KDM5B: variants seen among roughly 807,000 people sequenced by gnomAD.
KDM5B encodes the protein lysine demethylase 5B.
A neutral mutation model predicts 193.4 loss-of-function variants in KDM5B; 144 were observed. The observed-to-expected ratio is 0.74, with a 90% CI of 0.65 to 0.86. KDM5B has a LOEUF of 0.86. KDM5B is among the 40% of genes least tolerant of loss of function. KDM5B has a pLI of 0.00. For synonymous variants in KDM5B, 668 were observed against 682.6 expected, an observed-to-expected ratio of 0.98 and a Z score of 0.33; for missense variants, 1,833 against 1,886.9, an observed-to-expected ratio of 0.97 and a Z score of 0.53.
rs36098169 is a variant in KDM5B, at chr1:202,726,405, A to G, written c.*2631T>C. The G allele has an allele frequency of 1.1e-4, 17 of 152,020 alleles. No individual in the cohort carries two copies. Among genetic ancestry groups the G allele is most frequent in the Non-Finnish European group, 2.4e-4 (16 of 67,950 alleles). 9.4% of individuals were successfully genotyped at this position (152,020 alleles called of 1,614,324 possible). A position where few individuals can be genotyped will look rare whatever the true frequency, so the allele number is the denominator to read the frequency against. On this transcript the variant is annotated 3_prime_UTR_variant, in exon 27 of 27. Transcript: ENST00000367265. ...TTCTCCAGGATAGAGGCTACATATA[A>G]TCAAGCCCTTTATTCTATATAAGAA...
chr1:202,734,675 G>A (rs1256034917), intron 22 of KDM5B, among the ~76,000 whole-genome samples: 2 of 152,212 alleles, frequency 1.3e-5, no homozygotes, highest in Non-Finnish European at 2.9e-5. Context: ...ACCTCTGATG[G>A]CAGAATTCTG....
chr1:202,777,684 G>C (rs909945796), intron 1 of KDM5B, among the ~76,000 whole-genome samples: 1 of 151,954 alleles, frequency 6.6e-6, no homozygotes, highest in East Asian at 1.9e-4. Context: ...TTTTAGAGAC[G>C]AGGTGTAGGT....
At chr1:202,767,389 G>A (rs1656514189) in intron 4 of KDM5B, 7 of 1,480,442 alleles carry the variant, frequency 4.7e-6, no homozygotes, top group African/African-American at 1.4e-5. Context: ...GACCACAGAG[G>A]CTGTGAACCT....
In KDM5B at chr1:202,808,162, G is replaced by A; in HGVS notation, c.144C>T (p.Phe48=). 1 of 1,613,240 alleles carries A rather than the reference G, an allele frequency of 6.2e-7. No homozygotes were observed. The highest frequency in any genetic ancestry group is 8.5e-7 in the Non-Finnish European group (1 of 1,179,594). ...SWEEFADPFA[F]IHKIRPIAEQ... ...CGGCTATGGGCCGGATCTTGTGGATGAAAGCGAAGGGGTCCGCGAACTCTT... is the reference window on the plus strand; with the variant it reads ...CGGCTATGGGCCGGATCTTGTGGATAAAAGCGAAGGGGTCCGCGAACTCTT... The change falls in exon 1 of 27, where the codon TTC becomes TTT. Residue 48 remains phenylalanine (F), a synonymous_variant. Transcript: ENST00000367265.
chr1:202,773,339 A>C, intron 3 of KDM5B, 51 bp from the exon 4 acceptor site: 1 of 1,492,506 alleles, frequency 6.7e-7, no homozygotes, highest in Non-Finnish European at 9.2e-7. Flanking sequence ...ACTTCTAATC[A>C]CATCTAAGTA....
rs139314049 is a variant in KDM5B, at chr1:202,730,960, G to A, written c.4125C>T (p.Ser1375=). The change falls in exon 25 of 27, where the codon AGC becomes AGT. Residue 1375 remains serine (S), a synonymous_variant. Transcript: ENST00000367265. ...AGCTTCGGTCAGTCTGCTGAGCAGGGCTTGGCTTTGCAAGTAAAGTCTGGT... is the reference window on the plus strand; with the variant it reads ...AGCTTCGGTCAGTCTGCTGAGCAGGACTTGGCTTTGCAAGTAAAGTCTGGT... ...ELYQTLLAKP[S]PAQQTDRSSP... The A allele has an allele frequency of 3.6e-5, 58 of 1,613,668 alleles. No homozygotes were observed. The highest frequency in any genetic ancestry group is 4.7e-5 in the Non-Finnish European group (56 of 1,179,774).
At position 202,752,724 on chromosome 1, in the gene KDM5B, T is replaced by C. The variant is rs563638699; in HGVS notation, c.1701+181A>G. ...AGCTGCAACAAATTAGTTTTTGTGG[T>C]ATCTAAGGATCCAGTCCTACTGAGT... On this transcript the variant is annotated intron_variant, in intron 12 of 26. Coordinates refer to ENST00000367265, the MANE Select transcript of KDM5B (RefSeq NM_006618.5). Among the ~76,000 whole-genome samples, 6 of 152,372 alleles carry C rather than the reference T, an allele frequency of 3.9e-5. 1 individual carries two copies. In the East Asian group the frequency reaches 1.2e-3, roughly 29 times the overall value.
At position 202,735,420 on chromosome 1, in the gene KDM5B, C is replaced by T; in HGVS notation, c.3423+9G>A. On this transcript the variant is annotated intron_variant, in intron 22 of 26. Coordinates refer to ENST00000367265, the MANE Select transcript of KDM5B (RefSeq NM_006618.5). ...AACATAGAAAGGAGAAGAAAAAAAC[C>T]CTACATACAGCTGAAGCAGTCTCCT... is the stretch of plus-strand genomic sequence containing the variant. 1 of 1,608,174 alleles carries T rather than the reference C, an allele frequency of 6.2e-7. No individual in the cohort carries two copies. The highest frequency in any genetic ancestry group is 8.5e-7 in the Non-Finnish European group (1 of 1,177,760).
chr1:202,802,402 GTTGT>G (rs1658112882), intron 1 of KDM5B, among the ~76,000 whole-genome samples: 1 of 151,910 alleles, frequency 6.6e-6, no homozygotes, highest in Non-Finnish European at 1.5e-5. Context: ...TGTTGTTGTT[GTTGT>G]GTTTGTTTTC....
intron 1 of KDM5B, among the ~76,000 whole-genome samples, chr1:202,785,474 C>T (rs555373769): frequency 1.1e-5 from 1 of 90,642 alleles, no homozygotes; most frequent in South Asian, 3.4e-4. Context: ...GGGTTCAAAT[C>T]CTGGTACTAC....
In KDM5B at chr1:202,743,692, C is replaced by A. The variant is rs541163430; in HGVS notation, c.2324-887G>T. Among the ~76,000 whole-genome samples the A allele has an allele frequency of 1.4e-4, 22 of 152,290 alleles. 1 individual carries two copies. The South Asian group carries it at 4.1e-3, about 29-fold the overall frequency. ...TAGAGAACCCAGAAATAAAAAGGCA[C>A]ACCTACAACTATCTGATCTTCAACT... On this transcript the variant is annotated intron_variant, in intron 16 of 26. Coordinates refer to ENST00000367265, the MANE Select transcript of KDM5B (RefSeq NM_006618.5).
chr1:202,752,926 G>C lies in KDM5B; in HGVS notation c.1680C>G (p.Thr560=). 6.2e-7 allele frequency: 1 copy of C among 1,614,104 alleles called. No individual in the cohort carries two copies. The change falls in exon 12 of 27, where the codon ACC becomes ACG. Residue 560 remains threonine, a synonymous_variant. Coordinates refer to ENST00000367265, the MANE Select transcript of KDM5B (RefSeq NM_006618.5). ...HQLVTIMNPN[T]LMTHEVPVYR... ...ATACAGGCACTTCATGAGTCATCAG[G>C]GTATTGGGGTTCATGATGGTCACAA...
rs112781669 is a variant in KDM5B at position 202,731,776 on chromosome 1, T to G, written c.4021+52A>C. Reference sequence around the variant, plus strand: ...ATCATCTATAATAAAAACCTAGTAATACAAGATCACTCATTACTATCCAGC... The same window carrying G: ...ATCATCTATAATAAAAACCTAGTAAGACAAGATCACTCATTACTATCCAGC... On this transcript the variant is annotated intron_variant, in intron 24 of 26. Transcript: ENST00000367265. The G allele has an allele frequency of 4.5e-3, 5,657 of 1,259,412 alleles. 162 individuals are homozygous for G. In the African/African-American group the frequency reaches 0.068, roughly 15 times the overall value. The allele number at this position is 1,259,412 out of a possible 1,614,324, so 78.0% of individuals were successfully genotyped here.
At chr1:202,742,986 C>A (rs986300802) in intron 16 of KDM5B, among the ~76,000 whole-genome samples, 181 bp from the exon 17 acceptor site, 1 of 152,046 alleles carries the variant, frequency 6.6e-6, no homozygotes, top group East Asian at 1.9e-4. Context: ...TGGCTGAACA[C>A]GGAGTTTTTT....
At chr1:202,730,695 T>C (rs1276830656) in intron 25 of KDM5B, among the ~76,000 whole-genome samples, 1 of 152,186 alleles carries the variant, frequency 6.6e-6, no homozygotes, top group Non-Finnish European at 1.5e-5. Flanking sequence ...GTTAGTTCAC[T>C]AGAAGGAAGT....
chr1:202,729,823 G>C lies in KDM5B; in HGVS notation c.4381C>G (p.Arg1461Gly), dbSNP rs765004569. 6.2e-7 allele frequency: 1 copy of C among 1,613,972 alleles called. No homozygotes were observed. Among genetic ancestry groups the C allele is most frequent in the Admixed American group, 1.7e-5 (1 of 60,000 alleles). ...LERERSYELVRSAETHSLPSD... is the reference protein window; with the variant it reads ...LERERSYELVGSAETHSLPSD... The stretch of plus-strand genomic sequence containing the variant: ...GGCAGGGAATGAGTTTCAGCAGAAC[G>C]AACTAATTCATAGCTACGCTCTCTC... The change falls in exon 26 of 27, where the codon CGT (arginine) becomes GGT (glycine). Residue 1461 changes from arginine to glycine, a missense_variant. Physicochemically the swap from Arg to Gly is moderately radical, Grantham distance 125. Transcript: ENST00000367265.
chr1:202,788,923 A>G (rs1395823590), intron 1 of KDM5B, among the ~76,000 whole-genome samples: 2 of 152,188 alleles, frequency 1.3e-5, no homozygotes, highest in African/African-American at 2.4e-5. Context: ...AAAGATTCCA[A>G]AAATGATCTG....
chr1:202,756,370 T>C lies in KDM5B; in HGVS notation c.1344A>G (p.Ser448=), dbSNP rs766213104. Reference sequence around the variant, plus strand: ...CTTATATGCCTACCTCTTCCTCAGGTGAGAGTTTGATTTTCCCATCTCGGA... The same window carrying C: ...CTTATATGCCTACCTCTTCCTCAGGCGAGAGTTTGATTTTCCCATCTCGGA... The part of the protein sequence containing the change: ...FPVRDGKIKL[S]PEEEEYLDSG... Residue 448 remains serine, a synonymous_variant, in exon 10 of 27, where the codon TCA becomes TCG. Coordinates refer to ENST00000367265, the MANE Select transcript of KDM5B (RefSeq NM_006618.5). 3.1e-6 allele frequency: 5 copies of C among 1,610,344 alleles called. No homozygotes were observed. Among genetic ancestry groups the C allele is most frequent in the Non-Finnish European group, 4.2e-6 (5 of 1,178,450 alleles).
At position 202,746,141 on chromosome 1, in the gene KDM5B, C is replaced by A. The variant is rs1558488588; in HGVS notation, c.2198+1G>T. 6.2e-7 allele frequency: 1 copy of A among 1,604,138 alleles called. No homozygotes were observed. Among genetic ancestry groups the A allele is most frequent in the East Asian group, 2.2e-5 (1 of 44,798 alleles). Reference sequence around the variant, plus strand: ...GAAAAAAAATCGTTCTTCCTACTTACCGCAATTTATATTTGTAAGGAGGAC... The same window carrying A: ...GAAAAAAAATCGTTCTTCCTACTTAACGCAATTTATATTTGTAAGGAGGAC... On this transcript the variant is annotated splice_donor_variant, in intron 15 of 26. Transcript: ENST00000367265. LOFTEE classifies it high-confidence loss of function.
Sources: allele counts gnomAD v4.1 joint callset (sites outside exome capture counted in the v4.1 genomes callset), GRCh38; gene constraint gnomAD v4.1.1; transcripts MANE v1.5; gene names NCBI Gene and HGNC (gene_info 2026-07-23, HGNC 2026-07-21).